Variants in KIFC3 observed in about 807,000 individuals in gnomAD.
KIFC3 encodes kinesin family member C3, also known as kinesin-like protein KIFC3.
KIFC3 carries 60 observed loss-of-function variants against 101.8 expected under a neutral mutation model. That is an observed-to-expected ratio of 0.59 (90% CI 0.48 to 0.73). The LOEUF is 0.73. Among genes scored for constraint, KIFC3 ranks in the 30% least tolerant of loss-of-function variants. The pLI, the probability that KIFC3 is intolerant of heterozygous loss-of-function variation, is 0.00. For missense variants in KIFC3, 966 were observed against 1,137.1 expected (o/e 0.85, Z 2.16); for synonymous variants, 476 against 482.7 (o/e 0.99, Z 0.18).
intron 1 of KIFC3, chr16:57,813,943 T>A: frequency 1.3e-6 from 1 of 780,540 alleles, no homozygotes; most frequent in Non-Finnish European, 1.6e-6. Context: ...CACTCCTGCT[T>A]ATTCTTCCTG....
At chr16:57,840,028 C>T (rs958589589) in intron 1 of KIFC3, among the ~76,000 whole-genome samples, 5 of 152,152 alleles carry the variant, frequency 3.3e-5, no homozygotes, top group Non-Finnish European at 5.9e-5. Context: ...TAAATGGCCA[C>T]AGTTGCTCTA....
upstream of KIFC3, chr16:57,802,972 T>G: frequency 6.5e-7 from 1 of 1,535,702 alleles, no homozygotes; most frequent in Non-Finnish European, 8.7e-7. This position sits in a 1 kb window ranked among gnomAD's most constrained non-coding sequence, Gnocchi z 5.0. Flanking sequence ...AGACAATACA[T>G]GTACATCCCT....
chr16:57,763,871 ACT>A (rs2050148050), intron 12 of KIFC3, among the ~76,000 whole-genome samples: 1 of 151,638 alleles, frequency 6.6e-6, no homozygotes, highest in African/African-American at 2.4e-5. Flanking sequence ...CCTGCCCCAG[ACT>A]CTGTCCCCAA....
Position 57,814,833 on chromosome 16 carries a change from G to C in KIFC3, c.109-16551C>G, listed in dbSNP as rs146990684. Among the ~76,000 whole-genome samples, 397 of 152,240 alleles carry C rather than the reference G, an allele frequency of 2.6e-3. 2 individuals are homozygous for C. The highest frequency in any genetic ancestry group is 9.2e-3 in the African/African-American group (383 of 41,546). ...GATGGTGTTTCACCATGTTGCCCAGGCTGATCTTGAACTCCTGAGCTCAAG... is the reference window on the plus strand; with the variant it reads ...GATGGTGTTTCACCATGTTGCCCAGCCTGATCTTGAACTCCTGAGCTCAAG... On this transcript the variant is annotated intron_variant, in intron 1 of 2. Transcript: ENST00000563028.
In KIFC3 at chr16:57,775,158, C is replaced by T. The variant is rs1555611170; in HGVS notation, c.316-2870G>A. On this transcript the variant is annotated intron_variant, in intron 3 of 19. Transcript: ENST00000445690. ...AACCTGGGGGCTCCTGGGCTCTGTC[C>T]AGAATCTCAGAGGGGCACCCAAAAG... The T allele has an allele frequency of 4.5e-6, 6 of 1,345,360 alleles. No individual in the cohort carries two copies. In the African/African-American group the frequency reaches 4.5e-5, roughly 10 times the overall value. 83.3% of individuals were successfully genotyped at this position (1,345,360 alleles called of 1,614,324 possible). A position where few individuals can be genotyped will look rare whatever the true frequency, so the allele number is the denominator to read the frequency against.
In KIFC3 at chr16:57,769,473, G is replaced by A. The variant is rs1458416205; in HGVS notation, c.1218+122C>T. 3 of 1,239,378 alleles carry A rather than the reference G, an allele frequency of 2.4e-6. No individual in the cohort carries two copies. Among genetic ancestry groups the A allele is most frequent in the African/African-American group, 3.0e-5 (2 of 67,166 alleles). 76.8% of individuals were successfully genotyped at this position (1,239,378 alleles called of 1,614,324 possible). A position where few individuals can be genotyped will look rare whatever the true frequency, so the allele number is the denominator to read the frequency against. ...GGCAGCAGTAAGTGTCATGGGGGGT[G>A]GGGCAGGGGCTGCTGTCTGAGCGGC... On this transcript the variant is annotated intron_variant, in intron 9 of 19. Transcript: ENST00000445690. The surrounding 1 kb of genome is among the most constrained non-coding windows in gnomAD (Gnocchi z 4.3).
chr16:57,812,111 G>T lies in KIFC3; in HGVS notation c.109-13829C>A, dbSNP rs191685537. Among the ~76,000 whole-genome samples the T allele has an allele frequency of 7.2e-4, 107 of 148,762 alleles. 1 individual carries two copies. The East Asian group carries it at 0.022, about 30-fold the overall frequency. On this transcript the variant is annotated intron_variant, in intron 1 of 2. Coordinates refer to the KIFC3 transcript ENST00000563028. Reference sequence around the variant, plus strand: ...GGCTGGAGTGCAGTGGCGCGATCTCGGCTCACTGGAGGCTCCATCCCCTAG... The same window carrying T: ...GGCTGGAGTGCAGTGGCGCGATCTCTGCTCACTGGAGGCTCCATCCCCTAG...
In KIFC3 at chr16:57,765,395, TC is replaced by T. The variant is rs554483536; in HGVS notation, c.1512+63del. On this transcript the variant is annotated intron_variant, in intron 11 of 19. Coordinates refer to ENST00000445690, the MANE Select transcript of KIFC3 (RefSeq NM_001130100.2). Reference sequence around the variant, plus strand: ...GCTTCTTCCTGCCCAGCGCCCCCGCTCCCTGTGAGTCCATCTTTCCCTCTCT... The same window carrying T: ...GCTTCTTCCTGCCCAGCGCCCCCGCTCCTGTGAGTCCATCTTTCCCTCTCT... 6.1e-3 allele frequency: 9,023 copies of T among 1,489,620 alleles called. 37 individuals are homozygous for T. The highest frequency in any genetic ancestry group is 6.9e-3 in the Non-Finnish European group (7,606 of 1,103,818). 92.3% of individuals were successfully genotyped at this position (1,489,620 alleles called of 1,614,324 possible). A position where few individuals can be genotyped will look rare whatever the true frequency, so the allele number is the denominator to read the frequency against.
upstream of KIFC3, among the ~76,000 whole-genome samples, chr16:57,806,247 A>G (rs1555626888): frequency 6.6e-6 from 1 of 152,200 alleles, no homozygotes; most frequent in Non-Finnish European, 1.5e-5. Flanking sequence ...TTAACCTCAG[A>G]TCAAGTCTTC....
In KIFC3 at chr16:57,760,325, C is replaced by A; in HGVS notation, c.2324G>T (p.Arg775Leu). ...VRSVELGPGL[R>L]RAELGSWSSQ... Reference sequence around the variant, plus strand: ...TGACCAGGACCCAAGCTCTGCCCTGCGTAGCCCAGGCCCCAGCTCCACAGA... The same window carrying A: ...TGACCAGGACCCAAGCTCTGCCCTGAGTAGCCCAGGCCCCAGCTCCACAGA... The change falls in exon 17 of 20, where the codon CGC becomes CTC. Residue 775 changes from arginine (R) to leucine (L), a missense_variant. Arg to Leu is a moderately radical substitution (Grantham distance 102). Transcript: ENST00000445690. 3 of 1,613,928 alleles carry A rather than the reference C, an allele frequency of 1.9e-6. No individual in the cohort carries two copies. Among genetic ancestry groups the A allele is most frequent in the Non-Finnish European group, 2.5e-6 (3 of 1,179,980 alleles).
chr16:57,831,382 G>C (rs1394341683), intron 1 of KIFC3, among the ~76,000 whole-genome samples: 2 of 152,212 alleles, frequency 1.3e-5, no homozygotes, highest in African/African-American at 4.8e-5. Context: ...AATCAGCTGG[G>C]ATGTTATTAG....
intron 1 of KIFC3, among the ~76,000 whole-genome samples, chr16:57,860,033 A>AAATAAAATAAAATAAAATAAAATAAAAT (rs1491573144): frequency 2.3e-4 from 18 of 78,992 alleles, no homozygotes; most frequent in African/African-American, 1.0e-3. Context: ...AAAATAAAAT[A>AAATAAAATAAAATAAAATAAAATAAAAT]AAATAAAATA....
In KIFC3 at chr16:57,852,837, G is replaced by A. The variant is rs548402920; in HGVS notation, c.108+9892C>T. Among the ~76,000 whole-genome samples the A allele has an allele frequency of 8.5e-5, 13 of 152,240 alleles. No homozygotes were observed. In the South Asian group the frequency reaches 1.4e-3, roughly 17 times the overall value. ...ATTCTATATTCCACTTAAAGGGATCGAATAGCAATTCTAAGTAGACTGTCA... is the reference window on the plus strand; with the variant it reads ...ATTCTATATTCCACTTAAAGGGATCAAATAGCAATTCTAAGTAGACTGTCA... On this transcript the variant is annotated intron_variant, in intron 1 of 2. Coordinates refer to the KIFC3 transcript ENST00000563028.
At chr16:57,841,114 A>G (rs1478026452) in intron 1 of KIFC3, among the ~76,000 whole-genome samples, 1 of 152,272 alleles carries the variant, frequency 6.6e-6, no homozygotes, top group East Asian at 1.9e-4. Flanking sequence ...AGACGGAACA[A>G]TAGACGAAAA....
At chr16:57,761,202 G>C (rs1302950153) in intron 14 of KIFC3, 31 bp from the exon 15 acceptor site, 3 of 1,611,196 alleles carry the variant, frequency 1.9e-6, no homozygotes, top group African/African-American at 1.3e-5. Context: ...CAGAGGCACA[G>C]CGTTGAGAAT....
chr16:57,796,532 C>T lies in KIFC3; in HGVS notation c.173-1391G>A, dbSNP rs956943471. ...TCAGGGTGGCAATATGGGGGTTGGT[C>T]GGGGGACTCAGAGGGGCCTGGGGCA... On this transcript the variant is annotated intron_variant, in intron 2 of 19. Coordinates refer to ENST00000445690, the MANE Select transcript of KIFC3 (RefSeq NM_001130100.2). Among the ~76,000 whole-genome samples, 20 of 152,184 alleles carry T rather than the reference C, an allele frequency of 1.3e-4. 1 individual carries two copies. Among genetic ancestry groups the T allele is most frequent in the Admixed American group, 1.1e-3 (17 of 15,284 alleles).
intron 1 of KIFC3, among the ~76,000 whole-genome samples, chr16:57,834,852 C>T (rs9935583): frequency 0.01 from 1,556 of 152,326 alleles, 32 homozygotes; most frequent in African/African-American, 0.036. Context: ...TGAGTGTTAC[C>T]TATTGGTGTC....
At chr16:57,781,388 TG>T (rs2052717329) in intron 3 of KIFC3, among the ~76,000 whole-genome samples, 1 of 152,206 alleles carries the variant, frequency 6.6e-6, no homozygotes, top group Admixed American at 6.5e-5. Flanking sequence ...CTTGAGGCCA[TG>T]GCTCTAGGGA....
chr16:57,833,292 G>A (rs141129365), intron 1 of KIFC3, among the ~76,000 whole-genome samples: 1 of 152,124 alleles, frequency 6.6e-6, no homozygotes, highest in South Asian at 2.1e-4. Flanking sequence ...AGATGTAGTT[G>A]CAGGGTGGAG....
Sources: gnomAD v4.1 joint callset for allele counts (sites outside exome capture counted in the v4.1 genomes callset) on GRCh38, gnomAD v4.1.1 for gene constraint, Gnocchi (gnomAD v3.1) non-coding constraint, MANE v1.5 for transcripts, NCBI Gene and HGNC (gene_info 2026-07-23, HGNC 2026-07-21) for gene names.